Variants in OTOGL observed in about 807,000 individuals in gnomAD.
OTOGL encodes the protein otogelin like, also known as otogelin-like protein.
OTOGL carries 285 observed loss-of-function variants against 318.5 expected under a neutral mutation model. The observed-to-expected ratio is 0.89, with a 90% CI of 0.81 to 0.99. OTOGL has a LOEUF of 0.99. OTOGL is among the 50% of genes least tolerant of loss of function. The pLI, the probability that OTOGL is intolerant of heterozygous loss-of-function variation, is 0.00. For synonymous variants in OTOGL, 987 were observed against 936.5 expected, an observed-to-expected ratio of 1.05 and a Z score of -0.99; for missense variants, 2,899 against 2,845.6, an observed-to-expected ratio of 1.02 and a Z score of -0.43.
At chr12:80,132,414 T>G (rs1871296865) in intron 1 of OTOGL, 1 of 152,212 alleles carries the variant, frequency 6.6e-6, no homozygotes, top group East Asian at 1.9e-4. Flanking sequence ...TCTATTTGCC[T>G]AGTGTACTGA....
intron 38 of OTOGL, among the ~76,000 whole-genome samples, chr12:80,334,093 G>A (rs1040441308): frequency 2.0e-5 from 3 of 152,134 alleles, no homozygotes; most frequent in South Asian, 2.1e-4. Flanking sequence ...TTGTGGGTAA[G>A]GTGTAAGGAG....
chr12:80,253,111 T>C (rs550597988), intron 13 of OTOGL, among the ~76,000 whole-genome samples: 1 of 152,294 alleles, frequency 6.6e-6, no homozygotes, highest in Non-Finnish European at 1.5e-5. Flanking sequence ...AGTGTAAATC[T>C]TTCTCATCTT....
chr12:80,265,165 C>T lies in OTOGL; in HGVS notation c.2179C>T (p.Gln727Ter), dbSNP rs774257602. The T allele has an allele frequency of 1.2e-6, 2 of 1,613,830 alleles. No individual in the cohort carries two copies. The highest frequency in any genetic ancestry group is 3.3e-5 in the Admixed American group (2 of 59,902). ...ALAHYAYLCG[Q>*]HGVPIDFRTQ... is the part of the protein sequence containing the mutation. ...TGCCCACTATGCCTACCTCTGCGGC[C>T]AGCACGGTGTTCCCATTGATTTCAG... The change falls in exon 20 of 59, where the codon CAG (glutamine) becomes TAG (stop). Residue 727 changes from glutamine to a stop codon, truncating the protein, a stop_gained. Coordinates refer to ENST00000547103, the MANE Select transcript of OTOGL (RefSeq NM_001378609.3). LOFTEE classifies it high-confidence loss of function.
At chr12:80,254,645 T>G in intron 15 of OTOGL, 75 bp downstream of exon 15, 1 of 1,197,438 alleles carries the variant, frequency 8.4e-7, no homozygotes, top group Non-Finnish European at 1.2e-6. Context: ...CACTGATCTT[T>G]ATGAAGACAT....
At chr12:80,362,232 T>G (rs888858199) in intron 52 of OTOGL, among the ~76,000 whole-genome samples, 66 of 152,356 alleles carry the variant, frequency 4.3e-4, no homozygotes, top group African/African-American at 1.5e-3. Context: ...ATTTATTGAA[T>G]AGACTATCCT....
intron 11 of OTOGL, among the ~76,000 whole-genome samples, chr12:80,250,035 C>G (rs945254336): frequency 1.3e-5 from 2 of 151,946 alleles, no homozygotes; most frequent in African/African-American, 4.8e-5. Context: ...GCGCACGGTG[C>G]GCGCACCCAC....
intron 37 of OTOGL, among the ~76,000 whole-genome samples, chr12:80,329,625 G>A (rs1490147761): frequency 6.6e-6 from 1 of 152,138 alleles, no homozygotes; most frequent in Non-Finnish European, 1.5e-5. Flanking sequence ...AGGCATTCTG[G>A]GCTCCTACCC....
rs78985774 is a variant in OTOGL at position 80,266,737 on chromosome 12, T to A, written c.2390+121T>A. The A allele has an allele frequency of 3.6e-3, 3,429 of 954,098 alleles. 68 individuals are homozygous for A. The African/African-American group carries it at 0.046, about 13-fold the overall frequency. 59.1% of individuals were successfully genotyped at this position (954,098 alleles called of 1,614,324 possible). On this transcript the variant is annotated intron_variant, in intron 21 of 58. Coordinates refer to ENST00000547103, the MANE Select transcript of OTOGL (RefSeq NM_001378609.3). ...TTCTTATTGTCTTTACTTTTTTTTT[T>A]AAAAAACCCTGCAAATGTTCATCAA...
Position 80,320,499 on chromosome 12 carries a change from T to C in OTOGL, c.3880T>C (p.Leu1294=), listed in dbSNP as rs747044939. ...TGTCCATGACAATGATACTCTTAGC[T>C]TGGAGCTGTGGGAGGCGAATTCAGC... ...LYVHDNDTLS[L]ELWEANSAFH... is the part of the protein sequence containing the mutation. The change falls in exon 34 of 59, where the codon TTG becomes CTG. Residue 1294 remains leucine, a synonymous_variant. Coordinates refer to ENST00000547103, the MANE Select transcript of OTOGL (RefSeq NM_001378609.3). The C allele has an allele frequency of 1.1e-5, 18 of 1,613,542 alleles. No homozygotes were observed. The highest frequency in any genetic ancestry group is 3.3e-4 in the Middle Eastern group (2 of 6,082).
chr12:80,368,200 T>C lies in OTOGL; in HGVS notation c.6511-5T>C, dbSNP rs778380874. ...GTGTCGCTAATCTAATATCATTATATGCAGCACCAGGTATATACTCCATCC... is the reference window on the plus strand; with the variant it reads ...GTGTCGCTAATCTAATATCATTATACGCAGCACCAGGTATATACTCCATCC... On this transcript the variant is annotated splice_polypyrimidine_tract_variant and splice_region_variant and intron_variant, in intron 54 of 58. Transcript: ENST00000547103. 2 of 1,571,654 alleles carry C rather than the reference T, an allele frequency of 1.3e-6. No homozygotes were observed. Among genetic ancestry groups the C allele is most frequent in the South Asian group, 2.3e-5 (2 of 87,386 alleles).
chr12:80,128,059 C>T (rs1252335723), intron 1 of OTOGL, among the ~76,000 whole-genome samples: 3 of 152,238 alleles, frequency 2.0e-5, no homozygotes, highest in Non-Finnish European at 2.9e-5. Flanking sequence ...CATTTTCCAT[C>T]CAGCTTTGTT....
intron 38 of OTOGL, among the ~76,000 whole-genome samples, chr12:80,333,840 C>T (rs1443753088): frequency 6.6e-6 from 1 of 152,052 alleles, no homozygotes; most frequent in Non-Finnish European, 1.5e-5. Context: ...AACAAAGTTC[C>T]AGGCAGAGGG....
Position 80,219,856 on chromosome 12 carries a change from A to G in OTOGL, c.278A>G (p.Lys93Arg). The G allele has an allele frequency of 6.3e-7, 1 of 1,594,362 alleles. No homozygotes were observed. The highest frequency in any genetic ancestry group is 8.5e-7 in the Non-Finnish European group (1 of 1,176,030). Reference protein sequence around the residue: ...YECLNGAFCSKTGTCDCQIFQ... With the variant: ...YECLNGAFCSRTGTCDCQIFQ... ...TGCCTTAATGGAGCTTTCTGTTCTA[A>G]GACTGGAACATGTGACTGTCAAATA... Residue 93 changes from lysine to arginine, a missense_variant, in exon 6 of 59, where the codon AAG becomes AGG. Transcript: ENST00000547103.
At chr12:80,199,480 C>A (rs1565897027) in intron 1 of OTOGL, among the ~76,000 whole-genome samples, 1 of 152,100 alleles carries the variant, frequency 6.6e-6, no homozygotes, top group Non-Finnish European at 1.5e-5. Context: ...GAATTGTAAT[C>A]TTTGAAGAGA....
At chr12:80,125,458 T>A (rs1174887372) in intron 1 of OTOGL, among the ~76,000 whole-genome samples, 2 of 152,176 alleles carry the variant, frequency 1.3e-5, no homozygotes, top group Non-Finnish European at 2.9e-5. Context: ...TATTGAGGAT[T>A]TTTGCATCGA....
chr12:80,161,460 C>T (rs1320990987), intron 1 of OTOGL, among the ~76,000 whole-genome samples: 1 of 151,952 alleles, frequency 6.6e-6, no homozygotes, highest in Non-Finnish European at 1.5e-5. Context: ...GAACATTAAA[C>T]TAAGTAGGCT....
At position 80,217,660 on chromosome 12, in the gene OTOGL, A is replaced by C. The variant is rs372771631; in HGVS notation, c.231A>C (p.Ile77=). 7.6e-5 allele frequency: 117 copies of C among 1,532,184 alleles called. No homozygotes were observed. Among genetic ancestry groups the C allele is most frequent in the Non-Finnish European group, 1.0e-4 (114 of 1,130,368 alleles). 94.9% of individuals were successfully genotyped at this position (1,532,184 alleles called of 1,614,324 possible). A position where few individuals can be genotyped will look rare whatever the true frequency, so the allele number is the denominator to read the frequency against. Reference sequence around the variant, plus strand: ...CTATTAATTGGGGTGAGAGCAAAATAAAAGGTCAGTGTTTATACTTAGGTT... The same window carrying C: ...CTATTAATTGGGGTGAGAGCAAAATCAAAGGTCAGTGTTTATACTTAGGTT... ...HDAINWGESK[I]KGSCPYECLN... The change falls in exon 5 of 59, where the codon ATA becomes ATC. Residue 77 remains isoleucine (I), a synonymous_variant. Transcript: ENST00000547103.
At chr12:80,338,946 T>C in intron 42 of OTOGL, 129 bp from the exon 43 acceptor site, 1 of 777,072 alleles carries the variant, frequency 1.3e-6, no homozygotes, top group Admixed American at 3.1e-5. Context: ...GTGGCAGCAG[T>C]AAGAAATACA....
chr12:80,286,083 G>C (rs1042729773), intron 26 of OTOGL, among the ~76,000 whole-genome samples: 4 of 152,074 alleles, frequency 2.6e-5, no homozygotes, highest in Middle Eastern at 3.2e-3. Flanking sequence ...TAGCATAAAG[G>C]GATGTTTAAT....
Sources: gnomAD v4.1 joint callset for allele counts (sites outside exome capture counted in the v4.1 genomes callset) on GRCh38, gnomAD v4.1.1 for gene constraint, MANE v1.5 for transcripts, NCBI Gene and HGNC (gene_info 2026-07-23, HGNC 2026-07-21) for gene names.